TRPS1: variants seen among roughly 807,000 people sequenced by gnomAD.
The protein encoded by TRPS1 is transcriptional repressor GATA binding 1.
Under a neutral mutation model 101.2 loss-of-function variants are expected in TRPS1, and 6 were observed. The ratio of observed to expected loss-of-function variants is 0.06; its 90% confidence interval spans 0.03 to 0.12. TRPS1 has a LOEUF of 0.12. Ranked by LOEUF, TRPS1 falls within the 10% of genes least tolerant of loss-of-function variation. The probability of loss-of-function intolerance (pLI) is 1.00; values close to 1 mark genes in which losing one functional copy is unlikely to be tolerated. For synonymous variants in TRPS1, 578 were observed against 589.8 expected, an observed-to-expected ratio of 0.98 and a Z score of 0.29; for missense variants, 1,363 against 1,567.0, an observed-to-expected ratio of 0.87 and a Z score of 2.20.
chr8:115,629,578 T>TA (rs1300437725), intron 1 of TRPS1, among the ~76,000 whole-genome samples: 4 of 151,908 alleles, frequency 2.6e-5, no homozygotes, highest in Non-Finnish European at 4.4e-5. Flanking sequence ...GTGATCAGTT[T>TA]AAAACCTTAT....
chr8:115,483,532 CAAAAA>C (rs67338348), intron 5 of TRPS1, among the ~76,000 whole-genome samples: 4 of 109,952 alleles, frequency 3.6e-5, no homozygotes, highest in African/African-American at 6.3e-5. Flanking sequence ...GACCTTGTCT[CAAAAA>C]AAAAAAAAAA....
chr8:115,652,661 A>G (rs1220596099), intron 1 of TRPS1, among the ~76,000 whole-genome samples: 1 of 152,254 alleles, frequency 6.6e-6, no homozygotes, highest in Non-Finnish European at 1.5e-5. Context: ...TTAGCCATGT[A>G]TAAGCTACAG....
intron 2 of TRPS1, among the ~76,000 whole-genome samples, chr8:115,622,830 T>C (rs1165233979): frequency 1.3e-5 from 2 of 152,034 alleles, no homozygotes; most frequent in Middle Eastern, 3.2e-3. Flanking sequence ...GATGAGAAAA[T>C]GGTTTATGCC....
intron 5 of TRPS1, among the ~76,000 whole-genome samples, chr8:115,497,252 A>G (rs1199662136): frequency 6.6e-6 from 1 of 152,182 alleles, no homozygotes; most frequent in Non-Finnish European, 1.5e-5. Context: ...ATCATCAGGC[A>G]TTAGTTAGAT....
At chr8:115,429,064 A>T (rs1813256774) in intron 5 of TRPS1, among the ~76,000 whole-genome samples, 1 of 152,190 alleles carries the variant, frequency 6.6e-6, no homozygotes, top group South Asian at 2.1e-4. Context: ...GACGAAGTGG[A>T]ATTATGAATT....
intron 5 of TRPS1, among the ~76,000 whole-genome samples, chr8:115,497,703 G>C (rs1469673663): frequency 1.3e-5 from 2 of 152,190 alleles, no homozygotes; most frequent in African/African-American, 4.8e-5. Flanking sequence ...CAGTTTCAAA[G>C]GGCAGACCCT....
chr8:115,421,064 A>T (rs1813040546), intron 5 of TRPS1, among the ~76,000 whole-genome samples: 1 of 150,510 alleles, frequency 6.6e-6, no homozygotes, highest in Non-Finnish European at 1.5e-5. Context: ...GGCTCACTGC[A>T]ACCTCCACCT....
At chr8:115,487,287 C>T (rs894063043) in intron 5 of TRPS1, among the ~76,000 whole-genome samples, 1 of 152,080 alleles carries the variant, frequency 6.6e-6, no homozygotes, top group African/African-American at 2.4e-5. Flanking sequence ...CAAAAGATCA[C>T]TGCTCATTGA....
At chr8:115,509,413 G>T (rs1197242695) in intron 5 of TRPS1, among the ~76,000 whole-genome samples, 3 of 152,046 alleles carry the variant, frequency 2.0e-5, no homozygotes, top group African/African-American at 7.2e-5. Flanking sequence ...CAAGTGTGGG[G>T]AAGGGTTTGG....
chr8:115,485,091 A>C (rs1814845582), intron 5 of TRPS1, among the ~76,000 whole-genome samples: 1 of 152,178 alleles, frequency 6.6e-6, no homozygotes. Flanking sequence ...ACAGGAGGTT[A>C]TCCAATTGGG....
intron 4 of TRPS1, among the ~76,000 whole-genome samples, chr8:115,601,741 A>G (rs1429998592): frequency 6.6e-6 from 1 of 152,208 alleles, no homozygotes; most frequent in Non-Finnish European, 1.5e-5. Context: ...TTCCAAGACC[A>G]TATAATAGTG....
intron 3 of TRPS1, among the ~76,000 whole-genome samples, chr8:115,608,118 C>G (rs781065166): frequency 6.6e-6 from 1 of 152,122 alleles, no homozygotes; most frequent in African/African-American, 2.4e-5. Flanking sequence ...CTGAATCCAT[C>G]ACGGAGTAGG....
At chr8:115,450,354 G>A (rs1457534455) in intron 5 of TRPS1, among the ~76,000 whole-genome samples, 1 of 152,070 alleles carries the variant, frequency 6.6e-6, no homozygotes, top group Non-Finnish European at 1.5e-5. Context: ...AATGGCACAG[G>A]CCTCACCGAC....
rs1812767775 is a variant in TRPS1, at chr8:115,410,653, T to A, written c.*3370A>T. ...GGGTTGGCTCTTTATGATTTTTCTATCCCAAACAACAGAATGAATACAGAG... is the reference window on the plus strand; with the variant it reads ...GGGTTGGCTCTTTATGATTTTTCTAACCCAAACAACAGAATGAATACAGAG... On this transcript the variant is annotated 3_prime_UTR_variant, in exon 7 of 7. Coordinates refer to ENST00000395715, the MANE Select transcript of TRPS1 (RefSeq NM_014112.5). 6.6e-6 allele frequency: 1 copy of A among 152,434 alleles called. No individual in the cohort carries two copies. 9.4% of individuals were successfully genotyped at this position (152,434 alleles called of 1,614,324 possible). A position where few individuals can be genotyped will look rare whatever the true frequency, so the allele number is the denominator to read the frequency against.
At chr8:115,470,692 A>G (rs913074869) in intron 5 of TRPS1, among the ~76,000 whole-genome samples, 1 of 152,234 alleles carries the variant, frequency 6.6e-6, no homozygotes, top group African/African-American at 2.4e-5. Flanking sequence ...TTTAAGAACA[A>G]CAAAAGGTAA....
intron 5 of TRPS1, among the ~76,000 whole-genome samples, chr8:115,512,207 A>T (rs972042272): frequency 6.6e-6 from 1 of 151,796 alleles, no homozygotes; most frequent in Non-Finnish European, 1.5e-5. Context: ...AAAAGCCTAA[A>T]TTTAAAAACA....
chr8:115,632,284 T>C (rs1450803251), intron 1 of TRPS1, among the ~76,000 whole-genome samples: 1 of 152,126 alleles, frequency 6.6e-6, no homozygotes, highest in Non-Finnish European at 1.5e-5. Flanking sequence ...TTCTGTATTC[T>C]CCAACATTCC....
chr8:115,439,694 AG>A (rs1813542609), intron 5 of TRPS1, among the ~76,000 whole-genome samples: 1 of 152,182 alleles, frequency 6.6e-6, no homozygotes, highest in African/African-American at 2.4e-5. Context: ...TAAACCTTCC[AG>A]CCGTTTGTCC....
At chr8:115,563,284 T>C (rs1816991143) in intron 5 of TRPS1, among the ~76,000 whole-genome samples, 1 of 152,074 alleles carries the variant, frequency 6.6e-6, no homozygotes, top group African/African-American at 2.4e-5. Flanking sequence ...CTGCATTTTC[T>C]TATTCACCAC....
Sources: gnomAD v4.1 joint callset for allele counts (sites outside exome capture counted in the v4.1 genomes callset) on GRCh38, gnomAD v4.1.1 for gene constraint, MANE v1.5 for transcripts, NCBI Gene and HGNC (gene_info 2026-07-23, HGNC 2026-07-21) for gene names.